Variants in PRR14L observed in about 807,000 individuals in gnomAD.
PRR14L encodes protein PRR14L.
PRR14L carries 80 observed loss-of-function variants against 155.0 expected under a neutral mutation model. That is an observed-to-expected ratio of 0.52 (90% CI 0.43 to 0.62). PRR14L has a LOEUF of 0.62. PRR14L is among the 20% of genes least tolerant of loss of function. The probability of loss-of-function intolerance (pLI) is 0.00; values close to 1 mark genes in which losing one functional copy is unlikely to be tolerated. For missense variants in PRR14L, 2,469 were observed against 2,548.0 expected, an observed-to-expected ratio of 0.97 and a Z score of 0.67; for synonymous variants, 883 against 916.0, an observed-to-expected ratio of 0.96 and a Z score of 0.65.
intron 2 of PRR14L, among the ~76,000 whole-genome samples, chr22:31,731,870 C>A (rs1348215141): frequency 6.6e-6 from 1 of 152,166 alleles, no homozygotes; most frequent in East Asian, 1.9e-4. Flanking sequence ...GGGCTACCCT[C>A]CCCATTGGTT....
Position 31,691,977 on chromosome 22 carries a change from C to G in PRR14L, c.6108-3750G>C, listed in dbSNP as rs1326079203. Among the ~76,000 whole-genome samples the G allele has an allele frequency of 3.3e-5, 5 of 152,112 alleles. No individual in the cohort carries two copies. The East Asian group carries it at 9.7e-4, about 29-fold the overall frequency. On this transcript the variant is annotated intron_variant, in intron 7 of 8. Coordinates refer to ENST00000327423, the MANE Select transcript of PRR14L (RefSeq NM_173566.3). ...CCACCTCCTGCGTTAAGGCAATTCT[C>G]CTGCCTCAGCCTCCCGATTAGTTGG...
At chr22:31,701,449 T>C (rs1040107344) in intron 7 of PRR14L, among the ~76,000 whole-genome samples, 15 of 152,174 alleles carry the variant, frequency 9.9e-5, no homozygotes, top group Non-Finnish European at 1.9e-4. Context: ...ACAGGTTCAT[T>C]TGGAGGGTTT....
chr22:31,692,257 C>G (rs1197217314), intron 7 of PRR14L, among the ~76,000 whole-genome samples: 1 of 151,608 alleles, frequency 6.6e-6, no homozygotes, highest in Non-Finnish European at 1.5e-5. Flanking sequence ...TTTTTTTTTA[C>G]AGTGGCTATA....
chr22:31,715,678 T>C lies in PRR14L; in HGVS notation c.2161A>G (p.Asn721Asp). 6.4e-7 allele frequency: 1 copy of C among 1,552,272 alleles called. No individual in the cohort carries two copies. ...TTTGAAGAGGCACCACAGGTTTGGTTACCTGGTGGAGAGATGTCTTTTATT... is the reference window on the plus strand; with the variant it reads ...TTTGAAGAGGCACCACAGGTTTGGTCACCTGGTGGAGAGATGTCTTTTATT... ...TKIKDISPPG[N>D]QTCGASSNCP... is the part of the protein sequence containing the mutation. The change falls in exon 4 of 9, where the codon AAC (asparagine) becomes GAC (aspartate). Residue 721 changes from asparagine (N) to aspartate (D), a missense_variant. Asn to Asp is a conservative substitution (Grantham distance 23). Around this residue, in one of 2 missense-constraint regions of PRR14L, gnomAD observed 2,363 missense variants for 2,371.6 expected, o/e 1.00. Coordinates refer to ENST00000327423, the MANE Select transcript of PRR14L (RefSeq NM_173566.3).
At chr22:31,700,999 T>C (rs545663104) in intron 7 of PRR14L, among the ~76,000 whole-genome samples, 50 of 151,844 alleles carry the variant, frequency 3.3e-4, no homozygotes, top group African/African-American at 8.9e-4. Flanking sequence ...GATTTTTTTT[T>C]TTTTTGAGAC....
chr22:31,718,975 G>A (rs1293150238), intron 3 of PRR14L, among the ~76,000 whole-genome samples: 1 of 152,138 alleles, frequency 6.6e-6, no homozygotes, highest in Non-Finnish European at 1.5e-5. Context: ...TGGGGAGGCT[G>A]AAGCAGGGGA....
intron 2 of PRR14L, among the ~76,000 whole-genome samples, chr22:31,729,369 G>A (rs879593006): frequency 2.4e-4 from 37 of 152,044 alleles, no homozygotes; most frequent in Non-Finnish European, 4.6e-4. Flanking sequence ...CCGCCACTAC[G>A]CCCGGCTAAT....
chr22:31,712,863 A>C lies in PRR14L; in HGVS notation c.4976T>G (p.Leu1659Arg). 6.4e-7 allele frequency: 1 copy of C among 1,551,946 alleles called. No individual in the cohort carries two copies. The highest frequency in any genetic ancestry group is 1.2e-5 in the South Asian group (1 of 84,070). ...TGTGCTGGATGAAAATCCGTCCAGG[A>C]GTCTTTTATATCTGAGGCGCTTGTA... ...KSYKRLRYKR[L>R]LDGFSSSTEQ... Residue 1659 changes from leucine to arginine, a missense_variant, in exon 4 of 9, where the codon CTC (leucine) becomes CGC (arginine). Leu to Arg is a moderately radical substitution (Grantham distance 102, BLOSUM62 -2). Transcript: ENST00000327423.
chr22:31,697,008 G>A (rs895712002), intron 7 of PRR14L, among the ~76,000 whole-genome samples: 3 of 152,078 alleles, frequency 2.0e-5, no homozygotes, highest in Non-Finnish European at 2.9e-5. Flanking sequence ...CCAGCTACGC[G>A]GGGGGCTGAG....
At chr22:31,732,207 T>C (rs1013325774) in intron 2 of PRR14L, among the ~76,000 whole-genome samples, 1 of 152,338 alleles carries the variant, frequency 6.6e-6, no homozygotes. Flanking sequence ...GACAACACTA[T>C]AGATATTGAT....
At chr22:31,718,255 T>C in intron 3 of PRR14L, among the ~76,000 whole-genome samples, 1 of 122,580 alleles carries the variant, frequency 8.2e-6, no homozygotes, top group Admixed American at 8.4e-5. Flanking sequence ...GGGGGGGTTT[T>C]TGTTTTTGTT....
intron 1 of PRR14L, among the ~76,000 whole-genome samples, chr22:31,742,752 A>T (rs183104566): frequency 5.9e-5 from 9 of 152,346 alleles, no homozygotes; most frequent in Admixed American, 4.6e-4. Context: ...ATGTCCACAT[A>T]AAAATTTGTA....
chr22:31,695,833 AG>A (rs1234754537), intron 7 of PRR14L, among the ~76,000 whole-genome samples: 3 of 151,980 alleles, frequency 2.0e-5, no homozygotes, highest in Non-Finnish European at 4.4e-5. Flanking sequence ...TGCCCTTCCT[AG>A]GGTACTCTCC....
At chr22:31,703,752 A>ACCCC in intron 5 of PRR14L, 31 bp from the exon 6 acceptor site, 1 of 1,363,550 alleles carries the variant, frequency 7.3e-7, no homozygotes, top group Non-Finnish European at 9.8e-7. Context: ...AAGATATGAG[A>ACCCC]GGGGTTCCCT....
rs1391863366 is a variant in PRR14L at position 31,716,784 on chromosome 22, GGACC to G, written c.1051_1054del (p.Gly351GlnfsTer8). 6.4e-7 allele frequency: 1 copy of G among 1,551,778 alleles called. No individual in the cohort carries two copies. ...TTCTAAGGATATTGTTCTGGATTCT[GGACC>G]AGACAAGTCTGATGTGAAACATGAA... On this transcript the variant is annotated frameshift_variant, in exon 4 of 9. Coordinates refer to ENST00000327423, the MANE Select transcript of PRR14L (RefSeq NM_173566.3). LOFTEE classifies it high-confidence loss of function.
At chr22:31,705,721 C>T (rs1675389840) in intron 4 of PRR14L, among the ~76,000 whole-genome samples, 2 of 151,860 alleles carry the variant, frequency 1.3e-5, no homozygotes, top group Admixed American at 1.3e-4. Flanking sequence ...GCTATACAGC[C>T]GGGCACAGTG....
intron 1 of PRR14L, among the ~76,000 whole-genome samples, chr22:31,739,221 G>C (rs920043317): frequency 2.0e-5 from 3 of 152,190 alleles, no homozygotes; most frequent in Non-Finnish European, 4.4e-5. Flanking sequence ...TCCAAGGATA[G>C]ACCTGATGTA....
chr22:31,721,256 CA>C, intron 3 of PRR14L, among the ~76,000 whole-genome samples: 1 of 152,148 alleles, frequency 6.6e-6, no homozygotes, highest in African/African-American at 2.4e-5. Flanking sequence ...TGCCCTACAG[CA>C]ATCAAGAAAT....
Position 31,716,830 on chromosome 22 carries a change from T to C in PRR14L, c.1009A>G (p.Lys337Glu). The change falls in exon 4 of 9, where the codon AAA (lysine) becomes GAA (glutamate). Residue 337 changes from lysine to glutamate, a missense_variant. By Grantham distance (56) the Lys-to-Glu change is moderately conservative. Coordinates refer to ENST00000327423, the MANE Select transcript of PRR14L (RefSeq NM_173566.3). ...AAACATGAAACTTCAGAATTTTCTTTCAAAGGGCTTGTGGCTGTGGGACTA... is the reference window on the plus strand; with the variant it reads ...AAACATGAAACTTCAGAATTTTCTTCCAAAGGGCTTGTGGCTGTGGGACTA... ...HDSPTATSPL[K>E]ENSEVSCFTS... 1 of 1,551,932 alleles carries C rather than the reference T, an allele frequency of 6.4e-7. No homozygotes were observed. The highest frequency in any genetic ancestry group is 1.2e-5 in the South Asian group (1 of 84,058).
Sources: allele counts gnomAD v4.1 joint callset (sites outside exome capture counted in the v4.1 genomes callset), GRCh38; gene constraint gnomAD v4.1.1; regional missense constraint gnomAD v4.1.1; transcripts MANE v1.5; gene names NCBI Gene and HGNC (gene_info 2026-07-23, HGNC 2026-07-21).